The following XPO6 variants were observed in gnomAD, a reference collection of about 807,000 sequenced individuals.
XPO6 encodes the protein exportin-6.
A neutral mutation model predicts 130.0 loss-of-function variants in XPO6; 3 were observed. The observed-to-expected ratio is 0.02, with a 90% CI of 0.01 to 0.06. XPO6 has a LOEUF of 0.06. XPO6 is among the 10% of genes least tolerant of loss of function. The pLI, the probability that XPO6 is intolerant of heterozygous loss-of-function variation, is 1.00. For missense variants in XPO6, 970 were observed against 1,393.0 expected (o/e 0.70, Z 4.83); for synonymous variants, 524 against 548.9 (o/e 0.95, Z 0.63).
intron 6 of XPO6, among the ~76,000 whole-genome samples, chr16:28,158,668 C>G (rs2043221349): frequency 6.6e-6 from 1 of 152,072 alleles, no homozygotes; most frequent in Non-Finnish European, 1.5e-5. Context: ...AATTGGAGGA[C>G]CACGGGGCTA....
At chr16:28,104,464 A>G in intron 21 of XPO6, 82 bp downstream of exon 21, 1 of 1,535,688 alleles carries the variant, frequency 6.5e-7, no homozygotes, top group Non-Finnish European at 8.9e-7. Flanking sequence ...CAGACCCGAG[A>G]CTGTGGGGCT....
intron 16 of XPO6, 61 bp downstream of exon 16, chr16:28,112,843 C>G: frequency 6.4e-7 from 1 of 1,560,104 alleles, no homozygotes; most frequent in Non-Finnish European, 8.7e-7. Flanking sequence ...TCTTCTTCCT[C>G]AGCTTCCTTG....
intron 20 of XPO6, 82 bp from the exon 21 acceptor site, chr16:28,104,789 G>A: frequency 1.3e-6 from 2 of 1,493,594 alleles, no homozygotes; most frequent in Admixed American, 1.9e-5. Context: ...ATGCCTAGGA[G>A]ACGCCTCGTG....
chr16:28,203,520 G>T (rs985706988), intron 1 of XPO6, among the ~76,000 whole-genome samples: 4 of 152,052 alleles, frequency 2.6e-5, no homozygotes, highest in African/African-American at 9.7e-5. Context: ...TGTCAACAGC[G>T]CCACAACTGC....
Position 28,181,014 on chromosome 16 carries a change from A to G in XPO6, c.21T>C (p.Ser7=). 1.9e-6 allele frequency: 3 copies of G among 1,613,044 alleles called. No individual in the cohort carries two copies. The South Asian group carries it at 3.3e-5, about 18-fold the overall frequency. Residue 7 remains serine (S), a synonymous_variant, in exon 2 of 24, where the codon TCT becomes TCC. Transcript: ENST00000304658. Reference sequence around the variant, plus strand: ...TCATCAGACTTTCCAATGCCCTGAGAGAGGCTTCTTCAGATGCCTAACAAA... The same window carrying G: ...TCATCAGACTTTCCAATGCCCTGAGGGAGGCTTCTTCAGATGCCTAACAAA... MASEEA[S]LRALESLMTE...
At chr16:28,130,044 AC>A (rs2042634856) in intron 12 of XPO6, among the ~76,000 whole-genome samples, 1 of 152,242 alleles carries the variant, frequency 6.6e-6, no homozygotes, top group Non-Finnish European at 1.5e-5. Context: ...AGAGCAACCA[AC>A]GTGGCCCAGC....
Position 28,112,936 on chromosome 16 carries a change from T to C in XPO6, c.2119A>G (p.Thr707Ala). 6.2e-7 allele frequency: 1 copy of C among 1,614,066 alleles called. No individual in the cohort carries two copies. Among genetic ancestry groups the C allele is most frequent in the Non-Finnish European group, 8.5e-7 (1 of 1,179,984 alleles). The change falls in exon 16 of 24, where the codon ACT becomes GCT. Residue 707 changes from threonine to alanine, a missense_variant. Physicochemically the swap from Thr to Ala is moderately conservative, Grantham distance 58. Coordinates refer to ENST00000304658, the MANE Select transcript of XPO6 (RefSeq NM_015171.4). ...ACAAGTCGCAGGGCAGAGGCATCAG[T>C]GATTCTGTTGAATACTTTCTGCACT... is the stretch of plus-strand genomic sequence containing the variant. ...PAVQKVFNRI[T>A]DASALRLVDK...
intron 1 of XPO6, among the ~76,000 whole-genome samples, chr16:28,199,407 T>A (rs1309677968): frequency 6.6e-6 from 1 of 152,156 alleles, no homozygotes; most frequent in Non-Finnish European, 1.5e-5. Flanking sequence ...CCTGAGTTGC[T>A]GGGATTACAG....
intron 21 of XPO6, among the ~76,000 whole-genome samples, chr16:28,103,790 T>C (rs972748165): frequency 7.2e-5 from 11 of 152,162 alleles, no homozygotes; most frequent in East Asian, 1.9e-4. Context: ...TGTGTGTGTG[T>C]GCGCGCGCAT....
chr16:28,162,457 G>A (rs2043291790), intron 6 of XPO6, among the ~76,000 whole-genome samples: 1 of 152,122 alleles, frequency 6.6e-6, no homozygotes, highest in Admixed American at 6.5e-5. Context: ...TACAAAACCT[G>A]TGACCCTGGC....
chr16:28,171,825 C>A (rs988505638), intron 4 of XPO6, among the ~76,000 whole-genome samples: 1 of 152,120 alleles, frequency 6.6e-6, no homozygotes, highest in Non-Finnish European at 1.5e-5. Context: ...AGAACTGATC[C>A]TTGGTAAGCA....
intron 13 of XPO6, among the ~76,000 whole-genome samples, chr16:28,124,898 GAAGCATCA>G: frequency 6.6e-6 from 1 of 152,196 alleles, no homozygotes; most frequent in South Asian, 2.1e-4. Flanking sequence ...TGGGCCAGTC[GAAGCATCA>G]GGTGTCTTGG....
At chr16:28,194,497 A>G (rs563387153) in intron 1 of XPO6, among the ~76,000 whole-genome samples, 1 of 152,232 alleles carries the variant, frequency 6.6e-6, no homozygotes, top group East Asian at 1.9e-4. Flanking sequence ...ACCCCACCAT[A>G]TAAAGCAGAC....
At chr16:28,211,278 G>A (rs2044126333) in intron 1 of XPO6, 88 bp downstream of exon 1, 8 of 1,268,478 alleles carry the variant, frequency 6.3e-6, no homozygotes, top group East Asian at 2.9e-5. Flanking sequence ...GCCATGGGGA[G>A]AGCAGCGATG....
At chr16:28,107,778 A>T (rs2086819368) in intron 17 of XPO6, 101 bp from the exon 18 acceptor site, 7 of 1,290,776 alleles carry the variant, frequency 5.4e-6, no homozygotes, top group South Asian at 3.8e-5. Flanking sequence ...GGTACCAAGA[A>T]GATGATCACA....
intron 12 of XPO6, among the ~76,000 whole-genome samples, chr16:28,127,495 A>G (rs1447348003): frequency 6.6e-6 from 1 of 152,128 alleles, no homozygotes; most frequent in Non-Finnish European, 1.5e-5. Flanking sequence ...ATTTAGATGC[A>G]ACAGAACAGA....
intron 8 of XPO6, 85 bp downstream of exon 8, chr16:28,152,574 A>G: frequency 3.4e-6 from 5 of 1,485,290 alleles, no homozygotes; most frequent in Non-Finnish European, 4.5e-6. Flanking sequence ...TGGAAAATAA[A>G]GTTGAAAGAA....
intron 6 of XPO6, among the ~76,000 whole-genome samples, chr16:28,163,446 C>T (rs569634628): frequency 1.3e-5 from 2 of 152,292 alleles, no homozygotes; most frequent in South Asian, 4.1e-4. Flanking sequence ...TACTGCAGAG[C>T]AATCAAAGCT....
chr16:28,166,460 C>T (rs1295470401), intron 6 of XPO6, 48 bp downstream of exon 6: 12 of 1,546,046 alleles, frequency 7.8e-6, no homozygotes, highest in Non-Finnish European at 8.8e-6. Flanking sequence ...CACCTGGCCC[C>T]CAATACATTT....
Sources: gnomAD v4.1 joint callset for allele counts (sites outside exome capture counted in the v4.1 genomes callset) on GRCh38, gnomAD v4.1.1 for gene constraint, MANE v1.5 for transcripts, NCBI Gene and HGNC (gene_info 2026-07-23, HGNC 2026-07-21) for gene names.